The following MAPKAP1 variants were observed in gnomAD, a reference collection of about 807,000 sequenced individuals.
The protein encoded by MAPKAP1 is MAPK associated protein 1, also known as target of rapamycin complex 2 subunit MAPKAP1.
MAPKAP1 carries 20 observed loss-of-function variants against 65.7 expected under a neutral mutation model. That is an observed-to-expected ratio of 0.30 (90% CI 0.21 to 0.44). The LOEUF (loss-of-function observed/expected upper bound fraction) is 0.44. Among genes scored for constraint, MAPKAP1 ranks in the 20% least tolerant of loss-of-function variants. The pLI is 1.00. For synonymous variants in MAPKAP1, 222 were observed against 244.3 expected, an observed-to-expected ratio of 0.91 and a Z score of 0.85; for missense variants, 423 against 648.0, an observed-to-expected ratio of 0.65 and a Z score of 3.77.
intron 7 of MAPKAP1, among the ~76,000 whole-genome samples, chr9:125,542,561 T>C (rs888019140): frequency 5.1e-4 from 77 of 152,234 alleles, no homozygotes; most frequent in African/African-American, 1.7e-3. Context: ...AAGTTATTAG[T>C]GCACATCAAG....
intron 5 of MAPKAP1, among the ~76,000 whole-genome samples, chr9:125,573,493 G>A (rs1440717039): frequency 6.6e-6 from 1 of 152,158 alleles, no homozygotes; most frequent in Non-Finnish European, 1.5e-5. Context: ...CCATAAAAAT[G>A]GGCAACCAGC....
intron 4 of MAPKAP1, among the ~76,000 whole-genome samples, chr9:125,598,351 A>G (rs890419210): frequency 2.0e-5 from 3 of 152,198 alleles, no homozygotes; most frequent in African/African-American, 7.2e-5. Context: ...TTTGTCAAAA[A>G]CATTTCTACA....
At chr9:125,701,717 TACCAC>T (rs1275718942) in intron 1 of MAPKAP1, among the ~76,000 whole-genome samples, 4 of 152,222 alleles carry the variant, frequency 2.6e-5, no homozygotes, top group Non-Finnish European at 5.9e-5. Flanking sequence ...AAATTTACCA[TACCAC>T]TTCATACTAT....
intron 5 of MAPKAP1, among the ~76,000 whole-genome samples, chr9:125,585,105 C>T (rs1831740198): frequency 6.6e-6 from 1 of 152,150 alleles, no homozygotes; most frequent in Non-Finnish European, 1.5e-5. Context: ...CACTGTGCAA[C>T]CTTCAGCCAG....
At chr9:125,650,754 A>C (rs1450310053) in intron 4 of MAPKAP1, among the ~76,000 whole-genome samples, 2 of 152,208 alleles carry the variant, frequency 1.3e-5, no homozygotes, top group African/African-American at 4.8e-5. Flanking sequence ...GTTAGTTTTA[A>C]GAACTCAGCA....
intron 9 of MAPKAP1, among the ~76,000 whole-genome samples, chr9:125,473,584 T>C (rs1854002960): frequency 6.6e-6 from 1 of 152,194 alleles, no homozygotes; most frequent in African/African-American, 2.4e-5. Context: ...GGGGAAACTA[T>C]TTGTGCAAGC....
intron 8 of MAPKAP1, among the ~76,000 whole-genome samples, chr9:125,500,961 A>G (rs1828960255): frequency 6.6e-6 from 1 of 152,146 alleles, no homozygotes; most frequent in Non-Finnish European, 1.5e-5. Flanking sequence ...AAATTCCGAT[A>G]AGCAAGTCAC....
chr9:125,457,049 C>T lies in MAPKAP1; in HGVS notation c.1345+10923G>A, dbSNP rs554511216. 2.1e-4 allele frequency among the ~76,000 whole-genome samples: 31 copies of T among 149,070 alleles called. No homozygotes were observed. The South Asian group carries it at 3.8e-3, about 18-fold the overall frequency. ...TGCTGTCCAGGCTGGAGTACAGTGG[C>T]GCGATCCTGGCTCACTGCAACCTCT... On this transcript the variant is annotated intron_variant, in intron 10 of 11. Transcript: ENST00000265960.
intron 4 of MAPKAP1, among the ~76,000 whole-genome samples, chr9:125,607,785 A>G (rs1487502885): frequency 6.6e-6 from 1 of 152,176 alleles, no homozygotes; most frequent in East Asian, 1.9e-4. Context: ...CCTCCCAAGT[A>G]GCTGGGACTA....
At chr9:125,573,927 T>C (rs1589300215) in intron 5 of MAPKAP1, among the ~76,000 whole-genome samples, 1 of 152,256 alleles carries the variant, frequency 6.6e-6, no homozygotes, top group East Asian at 1.9e-4. Flanking sequence ...ACTATCTGAA[T>C]TAATTATTTT....
intron 10 of MAPKAP1, among the ~76,000 whole-genome samples, chr9:125,456,547 A>G (rs1176287640): frequency 6.6e-6 from 1 of 152,168 alleles, no homozygotes; most frequent in African/African-American, 2.4e-5. Flanking sequence ...CTTGCTTCTA[A>G]TGAATAATAT....
chr9:125,489,146 G>C (rs999372058), intron 8 of MAPKAP1, among the ~76,000 whole-genome samples: 8 of 152,126 alleles, frequency 5.3e-5, no homozygotes, highest in African/African-American at 1.9e-4. Flanking sequence ...GTGAAAAGCA[G>C]AGAGAACCAG....
chr9:125,658,360 C>T (rs1588046234), intron 3 of MAPKAP1, among the ~76,000 whole-genome samples: 2 of 152,234 alleles, frequency 1.3e-5, no homozygotes, highest in East Asian at 3.8e-4. Flanking sequence ...ACATTTATTG[C>T]TGCTCGGCCT....
intron 10 of MAPKAP1, among the ~76,000 whole-genome samples, chr9:125,455,259 C>A (rs905899204): frequency 6.6e-6 from 1 of 152,220 alleles, no homozygotes; most frequent in South Asian, 2.1e-4. Context: ...CCTAAAAAGT[C>A]GTCCAACAAT....
intron 4 of MAPKAP1, among the ~76,000 whole-genome samples, chr9:125,609,128 T>C (rs1832524117): frequency 6.6e-6 from 1 of 152,212 alleles, no homozygotes; most frequent in African/African-American, 2.4e-5. Flanking sequence ...AATTGTAAAT[T>C]TGTCTATTAA....
At chr9:125,559,453 G>GC (rs1439908436) in intron 6 of MAPKAP1, 180 bp downstream of exon 6, 26 of 568,550 alleles carry the variant, frequency 4.6e-5, no homozygotes, top group Non-Finnish European at 6.6e-5. Context: ...TAGCCTAGGT[G>GC]CAGAGGCATG....
At chr9:125,637,638 G>A (rs1385684650) in intron 4 of MAPKAP1, among the ~76,000 whole-genome samples, 3 of 152,090 alleles carry the variant, frequency 2.0e-5, no homozygotes, top group Admixed American at 1.3e-4. Context: ...TTCCTCTGTG[G>A]GGTTTTCTCC....
rs536519713 is a variant in MAPKAP1 at position 125,577,332 on chromosome 9, C to T, written c.671+8223G>A. Among the ~76,000 whole-genome samples, 9 of 151,556 alleles carry T rather than the reference C, an allele frequency of 5.9e-5. No homozygotes were observed. The South Asian group carries it at 1.3e-3, about 21-fold the overall frequency. ...GAGCCCCTCCGCCCGGCAGCCACCC[C>T]GTCTGGTAAGTGAGGAGCGTCTCCG... is the stretch of plus-strand genomic sequence containing the variant. On this transcript the variant is annotated intron_variant, in intron 5 of 11. Transcript: ENST00000265960.
At chr9:125,666,489 G>T (rs1485501864) in intron 3 of MAPKAP1, among the ~76,000 whole-genome samples, 4 of 152,160 alleles carry the variant, frequency 2.6e-5, no homozygotes, top group Non-Finnish European at 4.4e-5. Context: ...TTTTAGCAAA[G>T]CATAAATAAT....
Sources: allele counts gnomAD v4.1 joint callset (sites outside exome capture counted in the v4.1 genomes callset), GRCh38; gene constraint gnomAD v4.1.1; transcripts MANE v1.5; gene names NCBI Gene and HGNC (gene_info 2026-07-23, HGNC 2026-07-21).